Variants in TMEM143 observed in about 807,000 individuals in gnomAD.
The protein encoded by TMEM143 is transmembrane protein 143.
In TMEM143, 45 loss-of-function variants were observed where a neutral mutation model predicts 40.3. The observed-to-expected ratio is 1.12, with a 90% CI of 0.88 to 1.43. The LOEUF (loss-of-function observed/expected upper bound fraction) is 1.43, where lower values mean the gene tolerates loss of function less well. TMEM143 is among the 40% of genes most tolerant of loss of function. TMEM143 has a pLI of 0.00. For synonymous variants in TMEM143, 299 were observed against 282.7 expected, an observed-to-expected ratio of 1.06 and a Z score of -0.58; for missense variants, 620 against 613.4, an observed-to-expected ratio of 1.01 and a Z score of -0.11.
chr19:48,341,842 G>A (rs910215898), intron 6 of TMEM143, among the ~76,000 whole-genome samples: 4 of 152,080 alleles, frequency 2.6e-5, no homozygotes, highest in African/African-American at 9.6e-5. Flanking sequence ...CTCAGTGAGC[G>A]GCTGTCAACC....
At position 48,352,637 on chromosome 19, in the gene TMEM143, T is replaced by C. The variant is rs145490612; in HGVS notation, c.370-7283A>G. ...TAAAAATACAAAACCTAGCCAGGCA[T>C]GGTGGTGCACACCTGTAGTCCCAGC... On this transcript the variant is annotated intron_variant, in intron 3 of 7. Coordinates refer to ENST00000293261, the MANE Select transcript of TMEM143 (RefSeq NM_018273.4). 5.4e-3 allele frequency among the ~76,000 whole-genome samples: 819 copies of C among 151,480 alleles called. 7 individuals carry two copies. Among genetic ancestry groups the C allele is most frequent in the African/African-American group, 0.019 (780 of 41,286 alleles).
chr19:48,343,391 C>A lies in TMEM143; in HGVS notation c.625G>T (p.Gly209Trp), dbSNP rs766657384. The A allele has an allele frequency of 6.2e-7, 1 of 1,602,736 alleles. No homozygotes were observed. The highest frequency in any genetic ancestry group is 1.3e-5 in the African/African-American group (1 of 74,804). The change falls in exon 5 of 8, where the codon GGG becomes TGG. Residue 209 changes from glycine to tryptophan, a missense_variant. Physicochemically the swap from Gly to Trp is radical, Grantham distance 184. Transcript: ENST00000293261. ...ACGCTGGACTTCAGGGGCATCTGCC[C>A]GACTCGCTGGCCCAGGGCCCAGAAG... The part of the protein sequence containing the change: ...IHFWALGQRV[G>W]QMPLKSSVGS...
intron 3 of TMEM143, among the ~76,000 whole-genome samples, chr19:48,356,793 C>T (rs1254236382): frequency 6.7e-6 from 1 of 149,832 alleles, no homozygotes; most frequent in Admixed American, 6.7e-5. Flanking sequence ...GACGGGGTTT[C>T]TCCATGTTGA....
In TMEM143 at chr19:48,333,111, T is replaced by A. The variant is rs952611385; in HGVS notation, c.*108A>T. The A allele has an allele frequency of 2.4e-5, 21 of 857,416 alleles. No individual in the cohort carries two copies. The highest frequency in any genetic ancestry group is 1.0e-4 in the South Asian group (3 of 28,698). The allele number at this position is 857,416 out of a possible 1,614,324, so 53.1% of individuals were successfully genotyped here. On this transcript the variant is annotated 3_prime_UTR_variant, in exon 8 of 8. Coordinates refer to ENST00000293261, the MANE Select transcript of TMEM143 (RefSeq NM_018273.4). This position sits in a 1 kb window ranked among gnomAD's most constrained non-coding sequence, Gnocchi z 4.1. ...TGCAGCAAAAATAATCACCTGTCAG[T>A]TATTGGAAGTTGGAGTGAAAAGTAT...
chr19:48,363,713 A>C, intron 1 of TMEM143, 182 bp from the exon 2 acceptor site: 4 of 1,362,072 alleles, frequency 2.9e-6, no homozygotes, highest in Non-Finnish European at 3.0e-6. Context: ...TGGGTCCCAG[A>C]CAGGGGTCAG....
chr19:48,352,119 C>T (rs1480522087), intron 3 of TMEM143, among the ~76,000 whole-genome samples: 2 of 151,302 alleles, frequency 1.3e-5, no homozygotes, highest in African/African-American at 2.4e-5. Flanking sequence ...CGGTGGTGGG[C>T]GCCTGTAGTC....
chr19:48,342,598 C>A lies in TMEM143; in HGVS notation c.907G>T (p.Asp303Tyr), dbSNP rs145038055. ...FVNVGMVVLT[D>Y]LKVATSLLLL... is the part of the protein sequence containing the mutation. ...AGCAGGGAGGTGGCCACCTTGAGGT[C>A]GGTTAGCACCACCATGCCCACGTTG... Residue 303 changes from aspartate (D) to tyrosine (Y), a missense_variant, in exon 6 of 8, where the codon GAC becomes TAC. Coordinates refer to ENST00000293261, the MANE Select transcript of TMEM143 (RefSeq NM_018273.4). 3 of 1,613,572 alleles carry A rather than the reference C, an allele frequency of 1.9e-6. No homozygotes were observed. The South Asian group carries it at 3.3e-5, about 18-fold the overall frequency.
chr19:48,358,886 C>T (rs1277755788), intron 3 of TMEM143, among the ~76,000 whole-genome samples: 2 of 151,976 alleles, frequency 1.3e-5, no homozygotes, highest in East Asian at 1.9e-4. Flanking sequence ...GCAAGGTCCT[C>T]GGCCTGGCAC....
intron 2 of TMEM143, among the ~76,000 whole-genome samples, chr19:48,362,262 A>G (rs275840): frequency 0.8 from 121,653 of 152,162 alleles, 48,702 homozygotes; most frequent in Middle Eastern, 0.88. Context: ...AATGATGGTG[A>G]GGTGTGGTGG....
chr19:48,359,178 AAAAC>A (rs769662808), intron 3 of TMEM143, among the ~76,000 whole-genome samples: 4 of 152,144 alleles, frequency 2.6e-5, no homozygotes, highest in Non-Finnish European at 5.9e-5. Flanking sequence ...CTGAGAAACA[AAAAC>A]AAACAAACAA....
intron 6 of TMEM143, among the ~76,000 whole-genome samples, chr19:48,335,260 T>C (rs752032383): frequency 8.5e-5 from 13 of 152,106 alleles, no homozygotes; most frequent in Non-Finnish European, 1.6e-4. Flanking sequence ...AACTTTTCTA[T>C]AATGAAGGAA....
chr19:48,349,765 C>G (rs746806593), intron 3 of TMEM143, among the ~76,000 whole-genome samples: 11 of 152,040 alleles, frequency 7.2e-5, no homozygotes, highest in Admixed American at 2.0e-4. Flanking sequence ...AAGGGCAGAC[C>G]TGTCCATTTA....
chr19:48,342,920 A>G (rs1969536108), intron 5 of TMEM143, 111 bp from the exon 6 acceptor site: 1 of 1,285,778 alleles, frequency 7.8e-7, no homozygotes, highest in Non-Finnish European at 1.1e-6. Context: ...CCATCTTAAA[A>G]GCGACTCAGT....
chr19:48,334,536 CT>C (rs869276987), intron 6 of TMEM143, among the ~76,000 whole-genome samples: 1 of 116,878 alleles, frequency 8.6e-6, no homozygotes, highest in Non-Finnish European at 1.8e-5. Context: ...TCTTTCTTTT[CT>C]TTTCTTTCTT....
intron 5 of TMEM143, 56 bp from the exon 6 acceptor site, chr19:48,342,865 C>T: frequency 1.3e-6 from 2 of 1,530,126 alleles, no homozygotes; most frequent in South Asian, 2.5e-5. Context: ...CCCGGGGAGC[C>T]CCCTCCAATC....
chr19:48,342,904 G>T (rs540350893), intron 5 of TMEM143, 95 bp from the exon 6 acceptor site: 4 of 1,400,826 alleles, frequency 2.9e-6, no homozygotes, highest in Non-Finnish European at 2.9e-6. Context: ...CTCTACAGTC[G>T]CACAACCATC....
chr19:48,338,383 AG>A (rs1241676670), intron 6 of TMEM143, among the ~76,000 whole-genome samples: 1 of 152,100 alleles, frequency 6.6e-6, no homozygotes, highest in African/African-American at 2.4e-5. Context: ...CAGTGCTCTC[AG>A]AGTCCAAGCT....
intron 3 of TMEM143, among the ~76,000 whole-genome samples, chr19:48,349,592 C>T (rs889564617): frequency 4.6e-5 from 7 of 151,740 alleles, no homozygotes; most frequent in African/African-American, 1.7e-4. Flanking sequence ...TTGCAGTAAG[C>T]TGAGATCGCA....
At chr19:48,338,823 A>G (rs1969427793) in intron 6 of TMEM143, among the ~76,000 whole-genome samples, 2 of 152,094 alleles carry the variant, frequency 1.3e-5, no homozygotes, top group South Asian at 2.1e-4. Flanking sequence ...AGGAACCCAC[A>G]GGGGCACCAC....
Sources: gnomAD v4.1 joint callset for allele counts (sites outside exome capture counted in the v4.1 genomes callset) on GRCh38, gnomAD v4.1.1 for gene constraint, Gnocchi (gnomAD v3.1) non-coding constraint, MANE v1.5 for transcripts, NCBI Gene and HGNC (gene_info 2026-07-23, HGNC 2026-07-21) for gene names.